PCDH9: variants seen among roughly 807,000 people sequenced by gnomAD.
The protein encoded by PCDH9 is protocadherin 9.
PCDH9 carries 24 observed loss-of-function variants against 70.6 expected under a neutral mutation model. The observed-to-expected ratio is 0.34, with a 90% CI of 0.25 to 0.48. The LOEUF is 0.48. Ranked by LOEUF, PCDH9 falls within the 20% of genes least tolerant of loss-of-function variation. The pLI is 0.99. For missense variants in PCDH9, 1,281 were observed against 1,503.6 expected (o/e 0.85, Z 2.45); for synonymous variants, 562 against 558.5 (o/e 1.01, Z -0.09).
intron 4 of PCDH9, among the ~76,000 whole-genome samples, chr13:66,610,507 C>A (rs1461798632): frequency 6.6e-6 from 1 of 152,052 alleles, no homozygotes; most frequent in Non-Finnish European, 1.5e-5. Context: ...GAATATAGGC[C>A]AATTTCTCTT....
intron 4 of PCDH9, among the ~76,000 whole-genome samples, chr13:66,515,838 A>G (rs921431195): frequency 1.3e-5 from 2 of 152,032 alleles, no homozygotes; most frequent in African/African-American, 4.8e-5. Flanking sequence ...ACTAATTTAG[A>G]AAGCTTTCTC....
chr13:66,563,050 T>C (rs2076599847), intron 4 of PCDH9, among the ~76,000 whole-genome samples: 1 of 152,144 alleles, frequency 6.6e-6, no homozygotes, highest in African/African-American at 2.4e-5. Context: ...TTTGAGAAGT[T>C]TATTTAACAT....
chr13:66,453,328 T>C (rs1958251456), intron 4 of PCDH9, among the ~76,000 whole-genome samples: 1 of 152,154 alleles, frequency 6.6e-6, no homozygotes, highest in Non-Finnish European at 1.5e-5. Context: ...CAAATCTAAC[T>C]TCCTACATAA....
intron 3 of PCDH9, among the ~76,000 whole-genome samples, chr13:66,838,453 T>G (rs546549288): frequency 4.1e-4 from 63 of 152,246 alleles, no homozygotes; most frequent in African/African-American, 1.5e-3. Flanking sequence ...AAATACTTTG[T>G]ACACATTCAT....
intron 4 of PCDH9, among the ~76,000 whole-genome samples, chr13:66,501,357 T>C (rs1445535220): frequency 6.6e-6 from 1 of 152,156 alleles, no homozygotes; most frequent in Non-Finnish European, 1.5e-5. Flanking sequence ...TATTTCATCA[T>C]GTTGTGAATC....
At chr13:66,842,239 GTCTGAGGGCAACA>G (rs2081128543) in intron 3 of PCDH9, among the ~76,000 whole-genome samples, 1 of 152,096 alleles carries the variant, frequency 6.6e-6, no homozygotes, top group Non-Finnish European at 1.5e-5. Flanking sequence ...TCACCTTTAT[GTCTGAGGGCAACA>G]TCTGCTACAA....
intron 4 of PCDH9, among the ~76,000 whole-genome samples, chr13:66,552,386 T>A (rs1374595014): frequency 6.6e-6 from 1 of 152,116 alleles, no homozygotes; most frequent in South Asian, 2.1e-4. Flanking sequence ...GATGGCTTCC[T>A]CCTATCTCCG....
At chr13:66,537,170 T>A (rs1462791918) in intron 4 of PCDH9, among the ~76,000 whole-genome samples, 1 of 152,098 alleles carries the variant, frequency 6.6e-6, no homozygotes, top group East Asian at 1.9e-4. Context: ...TCTGCCTCGA[T>A]GAGAACCACT....
At position 66,613,300 on chromosome 13, in the gene PCDH9, TCCCTGGTGAAGGAAC is replaced by T. The variant is rs1280309007; in HGVS notation, c.3340+17895_3340+17909del. On this transcript the variant is annotated intron_variant, in intron 4 of 4. Transcript: ENST00000377865. Reference sequence around the variant, plus strand: ...AGACTGTAATAAGCTTAAACTTATCTCCCTGGTGAAGGAACCACTTGCATGAGAATAAGAGGTTCT... The same window carrying T: ...AGACTGTAATAAGCTTAAACTTATCTCACTTGCATGAGAATAAGAGGTTCT... Among the ~76,000 whole-genome samples the T allele has an allele frequency of 5.3e-5, 8 of 152,196 alleles. 1 individual carries two copies. Among genetic ancestry groups the T allele is most frequent in the Admixed American group, 1.3e-4 (2 of 15,286 alleles).
chr13:67,198,681 A>G (rs1389930545), intron 2 of PCDH9, among the ~76,000 whole-genome samples: 2 of 151,952 alleles, frequency 1.3e-5, no homozygotes, highest in Non-Finnish European at 2.9e-5. Flanking sequence ...GGGGACAGTC[A>G]TAGTATTTTA....
intron 4 of PCDH9, among the ~76,000 whole-genome samples, chr13:66,613,969 T>A (rs997638831): frequency 1.3e-5 from 2 of 152,238 alleles, no homozygotes; most frequent in Admixed American, 1.3e-4. Context: ...TTGAGAACTA[T>A]TTGACTTGCA....
intron 4 of PCDH9, among the ~76,000 whole-genome samples, chr13:66,437,781 A>G (rs1489320765): frequency 6.6e-6 from 1 of 152,088 alleles, no homozygotes; most frequent in Non-Finnish European, 1.5e-5. Context: ...TATGCCCCGC[A>G]ATTCCACTCC....
intron 3 of PCDH9, among the ~76,000 whole-genome samples, chr13:66,893,119 GATTA>G (rs1431639747): frequency 6.6e-6 from 1 of 152,078 alleles, no homozygotes; most frequent in African/African-American, 2.4e-5. Flanking sequence ...ATGTAAATAA[GATTA>G]ATTAACTTTA....
At chr13:66,501,624 C>T (rs904988364) in intron 4 of PCDH9, among the ~76,000 whole-genome samples, 1 of 151,810 alleles carries the variant, frequency 6.6e-6, no homozygotes, top group African/African-American at 2.4e-5. Context: ...AAGTCTCTTT[C>T]TCAATAGCAG....
At chr13:66,459,893 T>C (rs975608025) in intron 4 of PCDH9, among the ~76,000 whole-genome samples, 2 of 151,918 alleles carry the variant, frequency 1.3e-5, no homozygotes, top group African/African-American at 4.8e-5. Context: ...GGTAAGGAGA[T>C]GTGCGACTGT....
intron 2 of PCDH9, among the ~76,000 whole-genome samples, chr13:66,972,461 A>G (rs2083541927): frequency 1.3e-5 from 2 of 151,920 alleles, no homozygotes; most frequent in South Asian, 4.1e-4. Context: ...ATTATAACCT[A>G]GTATTATATC....
chr13:66,943,423 T>C (rs2083037898), intron 2 of PCDH9, among the ~76,000 whole-genome samples: 1 of 152,064 alleles, frequency 6.6e-6, no homozygotes, highest in Non-Finnish European at 1.5e-5. Flanking sequence ...AATCAAGATT[T>C]GTGGAAATCA....
chr13:66,820,925 C>A (rs369029533), intron 3 of PCDH9, among the ~76,000 whole-genome samples: 1 of 152,062 alleles, frequency 6.6e-6, no homozygotes, highest in South Asian at 2.1e-4. Flanking sequence ...ATAATCTGTA[C>A]AATGAACCTC....
At chr13:66,391,886 A>ATATT (rs1172429916) in intron 4 of PCDH9, among the ~76,000 whole-genome samples, 2 of 142,484 alleles carry the variant, frequency 1.4e-5, no homozygotes. Flanking sequence ...ATATATGCAT[A>ATATT]TATATATATA....
Sources: gnomAD v4.1 joint callset for allele counts (sites outside exome capture counted in the v4.1 genomes callset) on GRCh38, gnomAD v4.1.1 for gene constraint, MANE v1.5 for transcripts, NCBI Gene and HGNC (gene_info 2026-07-23, HGNC 2026-07-21) for gene names.